Variants in NAALADL2 observed in about 807,000 individuals in gnomAD.
NAALADL2 encodes the protein N-acetylated alpha-linked acidic dipeptidase like 2.
In NAALADL2, 76 loss-of-function variants were observed where a neutral mutation model predicts 87.2. That is an observed-to-expected ratio of 0.87 (90% CI 0.72 to 1.05). The LOEUF is 1.05. Ranked by LOEUF, NAALADL2 falls within the 50% of genes least tolerant of loss-of-function variation. The probability of loss-of-function intolerance (pLI) is 0.00; values close to 1 mark genes in which losing one functional copy is unlikely to be tolerated. For synonymous variants in NAALADL2, 354 were observed against 331.0 expected (o/e 1.07, Z -0.75); for missense variants, 1,089 against 945.8 (o/e 1.15, Z -1.99).
chr3:175,111,897 C>T (rs9847129), intron 2 of NAALADL2, among the ~76,000 whole-genome samples: 94,973 of 151,398 alleles, frequency 0.63, 30,805 homozygotes, highest in African/African-American at 0.81. Flanking sequence ...AATTTGGAAA[C>T]AGACTTGAAA....
At chr3:175,325,489 A>G (rs956570102) in intron 5 of NAALADL2, among the ~76,000 whole-genome samples, 1 of 152,244 alleles carries the variant, frequency 6.6e-6, no homozygotes, top group Non-Finnish European at 1.5e-5. Flanking sequence ...CTAAAAGACC[A>G]GTCAGCTCTC....
chr3:174,808,465 T>C (rs1719759459), intron 3 of NAALADL2, among the ~76,000 whole-genome samples: 1 of 152,164 alleles, frequency 6.6e-6, no homozygotes, highest in South Asian at 2.1e-4. Flanking sequence ...AATATTCCTC[T>C]TTATGAAAAT....
At chr3:175,151,213 G>A (rs890914075) in intron 2 of NAALADL2, among the ~76,000 whole-genome samples, 1 of 152,080 alleles carries the variant, frequency 6.6e-6, no homozygotes, top group Non-Finnish European at 1.5e-5. Flanking sequence ...CTCACTTACC[G>A]CATATCATGT....
intron 1 of NAALADL2, among the ~76,000 whole-genome samples, chr3:174,495,327 C>T (rs1343174509): frequency 6.7e-6 from 1 of 148,962 alleles, no homozygotes; most frequent in Non-Finnish European, 1.5e-5. Context: ...AGCAACAATT[C>T]TTCCTCATTT....
intron 2 of NAALADL2, among the ~76,000 whole-genome samples, chr3:174,713,254 C>T (rs1432570413): frequency 6.6e-6 from 1 of 152,146 alleles, no homozygotes; most frequent in Non-Finnish European, 1.5e-5. Context: ...AATATTGCCA[C>T]AATAAACATA....
rs143037730 is a variant in NAALADL2 at position 175,629,655 on chromosome 3, G to A, written c.1896+2269G>A. Among the ~76,000 whole-genome samples the A allele has an allele frequency of 4.0e-5, 6 of 151,684 alleles. No homozygotes were observed. In the East Asian group the frequency reaches 1.2e-3, roughly 29 times the overall value. On this transcript the variant is annotated intron_variant, in intron 11 of 13. Transcript: ENST00000454872. ...AAATCCTCAGCCAGAGAAAATGCTA[G>A]GCTTTTCAATTAAGAGGTATAAACA... is the stretch of plus-strand genomic sequence containing the variant.
chr3:175,436,474 A>G lies in NAALADL2; in HGVS notation c.1091-10755A>G, dbSNP rs1344376311. ...TAGTTTACAGTCCCATCAACAGTGT[A>G]AAAGTGTTCCTATTTCTCCACATCC... On this transcript the variant is annotated intron_variant, in intron 5 of 13. Transcript: ENST00000454872. 2.1e-5 allele frequency among the ~76,000 whole-genome samples: 3 copies of G among 144,478 alleles called. No homozygotes were observed. The East Asian group carries it at 6.7e-4, about 32-fold the overall frequency. The allele number at this position is 144,478 out of a possible 152,430, so 94.8% of individuals were successfully genotyped here.
At chr3:175,267,223 T>G (rs1752079486) in intron 4 of NAALADL2, among the ~76,000 whole-genome samples, 1 of 152,046 alleles carries the variant, frequency 6.6e-6, no homozygotes, top group East Asian at 1.9e-4. Flanking sequence ...CTTGTGGTTT[T>G]AAGAAAATCT....
At chr3:174,788,613 C>T (rs890806050) in intron 3 of NAALADL2, among the ~76,000 whole-genome samples, 4 of 152,068 alleles carry the variant, frequency 2.6e-5, no homozygotes, top group African/African-American at 7.2e-5. Context: ...AAATTATTTA[C>T]CTTTTAAAGG....
At chr3:175,679,580 G>C (rs1735313520) in intron 11 of NAALADL2, among the ~76,000 whole-genome samples, 1 of 152,154 alleles carries the variant, frequency 6.6e-6, no homozygotes, top group African/African-American at 2.4e-5. Context: ...AGTTGTGTGT[G>C]TGCCATTGCA....
intron 3 of NAALADL2, among the ~76,000 whole-genome samples, chr3:174,805,682 G>A (rs1401133136): frequency 6.6e-6 from 1 of 152,008 alleles, no homozygotes; most frequent in Non-Finnish European, 1.5e-5. Context: ...TAATCAACTT[G>A]CAATAAAATA....
At chr3:175,241,167 A>G (rs1746808213) in intron 3 of NAALADL2, among the ~76,000 whole-genome samples, 1 of 152,162 alleles carries the variant, frequency 6.6e-6, no homozygotes, top group Admixed American at 6.5e-5. Context: ...AGCTCTGTTC[A>G]CTAACCAAGT....
intron 10 of NAALADL2, among the ~76,000 whole-genome samples, chr3:175,601,592 G>C (rs1722978983): frequency 6.6e-6 from 1 of 152,116 alleles, no homozygotes; most frequent in Admixed American, 6.5e-5. Flanking sequence ...AATACTTTGA[G>C]TAGGTTGAAC....
At chr3:174,556,731 G>A (rs1712875832) in intron 2 of NAALADL2, among the ~76,000 whole-genome samples, 2 of 151,960 alleles carry the variant, frequency 1.3e-5, no homozygotes, top group African/African-American at 4.8e-5. Flanking sequence ...AATTTTAGTA[G>A]ATTTTAAAAT....
chr3:175,356,569 T>A (rs1253071042), intron 5 of NAALADL2, among the ~76,000 whole-genome samples: 1 of 83,638 alleles, frequency 1.2e-5, no homozygotes, highest in Non-Finnish European at 2.6e-5. Context: ...AGCAAGACCC[T>A]GTGTCAAAAT....
intron 2 of NAALADL2, among the ~76,000 whole-genome samples, chr3:175,136,893 T>TA (rs770289718): frequency 9.7e-4 from 148 of 152,302 alleles, no homozygotes; most frequent in Non-Finnish European, 1.1e-3. Flanking sequence ...GCTTTGGTTT[T>TA]AAAAATAACT....
At chr3:175,511,435 G>C (rs1451184803) in intron 9 of NAALADL2, among the ~76,000 whole-genome samples, 2 of 152,176 alleles carry the variant, frequency 1.3e-5, no homozygotes, top group Non-Finnish European at 2.9e-5. Flanking sequence ...AAAGAACAGG[G>C]ATGCACATGC....
At chr3:175,232,733 G>A (rs1007432729) in intron 2 of NAALADL2, among the ~76,000 whole-genome samples, 1 of 152,136 alleles carries the variant, frequency 6.6e-6, no homozygotes, top group Non-Finnish European at 1.5e-5. Context: ...CCTGGAGGAA[G>A]TAAGTGAGAA....
At chr3:175,339,816 G>A (rs1762396186) in intron 5 of NAALADL2, among the ~76,000 whole-genome samples, 2 of 151,728 alleles carry the variant, frequency 1.3e-5, no homozygotes, top group Non-Finnish European at 2.9e-5. Flanking sequence ...AGAGATAAAA[G>A]AAGTAAAATA....
Sources: allele counts gnomAD v4.1 joint callset (sites outside exome capture counted in the v4.1 genomes callset), GRCh38; gene constraint gnomAD v4.1.1; transcripts MANE v1.5; gene names NCBI Gene and HGNC (gene_info 2026-07-23, HGNC 2026-07-21).